SLC29A4: variants seen among roughly 807,000 people sequenced by gnomAD.
SLC29A4 encodes equilibrative nucleoside transporter 4.
In SLC29A4, 36 loss-of-function variants were observed where a neutral mutation model predicts 43.9. The observed-to-expected ratio is 0.82, with a 90% CI of 0.63 to 1.08. The LOEUF (loss-of-function observed/expected upper bound fraction) is 1.08, where lower values mean the gene tolerates loss of function less well. SLC29A4 is among the 50% of genes least tolerant of loss of function. The probability of loss-of-function intolerance (pLI) is 0.00; values close to 1 mark genes in which losing one functional copy is unlikely to be tolerated. For missense variants in SLC29A4, 869 were observed against 755.3 expected, an observed-to-expected ratio of 1.15 and a Z score of -1.77; for synonymous variants, 491 against 338.0, an observed-to-expected ratio of 1.45 and a Z score of -4.97.
At chr7:5,301,367 G>A (rs1266795266) in intron 10 of SLC29A4, among the ~76,000 whole-genome samples, 3 of 152,132 alleles carry the variant, frequency 2.0e-5, no homozygotes, top group Non-Finnish European at 2.9e-5. Context: ...GGGAGAGTCA[G>A]GCTCGGGAGC....
intron 2 of SLC29A4, 93 bp from the exon 3 acceptor site, chr7:5,290,636 ATGG>A: frequency 6.7e-7 from 1 of 1,487,548 alleles, no homozygotes; most frequent in East Asian, 2.3e-5. Context: ...GACAGTGGCT[ATGG>A]TGATGGCGGC....
At position 5,304,500 on chromosome 7, in the gene SLC29A4, ATTTC is replaced by A. The variant is rs200274986; in HGVS notation, c.*1569_*1572del. 0.17 allele frequency: 25,448 copies of A among 151,024 alleles called. 2,860 individuals are homozygous for A. The highest frequency in any genetic ancestry group is 0.54 in the East Asian group (2,770 of 5,102). The allele number at this position is 151,024 out of a possible 1,614,324, so 9.4% of individuals were successfully genotyped here. ...AAAATCCTGCACTGTTCTGTGCCTC[ATTTC>A]TTTCTTTTTTTATTTTTTTTTTGAG... On this transcript the variant is annotated 3_prime_UTR_variant, in exon 11 of 11. Transcript: ENST00000396872.
chr7:5,292,784 C>T (rs1262115584), intron 5 of SLC29A4, among the ~76,000 whole-genome samples: 3 of 147,242 alleles, frequency 2.0e-5, no homozygotes, highest in Non-Finnish European at 4.5e-5. Flanking sequence ...CTGCAACCTC[C>T]GCCTCCCGGG....
chr7:5,284,731 C>T (rs944730345), intron 1 of SLC29A4, among the ~76,000 whole-genome samples: 5 of 152,204 alleles, frequency 3.3e-5, no homozygotes, highest in African/African-American at 1.2e-4. Context: ...GTCCCCACCC[C>T]CTCCACCATG....
intron 9 of SLC29A4, 99 bp downstream of exon 9, chr7:5,299,526 A>T: frequency 7.8e-7 from 1 of 1,289,816 alleles, no homozygotes; most frequent in Non-Finnish European, 1.1e-6. Flanking sequence ...TGAAGGATGC[A>T]TGTGGCTCCC....
At chr7:5,290,949 C>G (rs893095613) in intron 3 of SLC29A4, 86 bp downstream of exon 3, 26 of 1,552,040 alleles carry the variant, frequency 1.7e-5, no homozygotes, top group African/African-American at 1.5e-4. Context: ...GGGGAGGGTC[C>G]TACACGGGGA....
chr7:5,287,798 C>T lies in SLC29A4; in HGVS notation c.-8-11C>T. Reference sequence around the variant, plus strand: ...TTCCCTCACCTGCTCTCTCTGCTTTCTCCAAAGCAGAGGCTGCCATGGGCT... The same window carrying T: ...TTCCCTCACCTGCTCTCTCTGCTTTTTCCAAAGCAGAGGCTGCCATGGGCT... On this transcript the variant is annotated splice_polypyrimidine_tract_variant and intron_variant, in intron 1 of 10. Transcript: ENST00000396872. 2.5e-6 allele frequency: 4 copies of T among 1,609,028 alleles called. No homozygotes were observed. Among genetic ancestry groups the T allele is most frequent in the Non-Finnish European group, 2.5e-6 (3 of 1,179,080 alleles).
At chr7:5,284,036 C>A (rs1454564826) in intron 1 of SLC29A4, among the ~76,000 whole-genome samples, 10 of 81,992 alleles carry the variant, frequency 1.2e-4, no homozygotes, top group African/African-American at 1.6e-4. Flanking sequence ...TGCACGACCC[C>A]CCCCCCCACC....
At chr7:5,283,503 C>G (rs1468479983) in intron 1 of SLC29A4, among the ~76,000 whole-genome samples, 3 of 152,150 alleles carry the variant, frequency 2.0e-5, no homozygotes, top group Non-Finnish European at 4.4e-5. Context: ...GGGGGTCTGT[C>G]CTTTGCCTGG....
intron 9 of SLC29A4, 99 bp from the exon 10 acceptor site, chr7:5,300,323 G>A: frequency 1.9e-6 from 3 of 1,567,898 alleles, no homozygotes; most frequent in Non-Finnish European, 1.7e-6. Flanking sequence ...ACAGGCCCAG[G>A]AGTGTTTAGG....
At position 5,290,752 on chromosome 7, in the gene SLC29A4, G is replaced by C; in HGVS notation, c.190G>C (p.Asp64His). Residue 64 changes from aspartate to histidine, a missense_variant, in exon 3 of 11, where the codon GAT (aspartate) becomes CAT (histidine). Transcript: ENST00000396872. ...TTTAGCATTGGACGAGCCAGTGCCC[G>C]ATGACCGTTATCACGCCATCTACTT... ...TDTTLDEPVP[D>H]DRYHAIYFAM... The C allele has an allele frequency of 6.2e-7, 1 of 1,612,858 alleles. No individual in the cohort carries two copies. The highest frequency in any genetic ancestry group is 8.5e-7 in the Non-Finnish European group (1 of 1,179,104).
At chr7:5,295,721 A>C (rs1231263439) in intron 6 of SLC29A4, among the ~76,000 whole-genome samples, 2 of 117,226 alleles carry the variant, frequency 1.7e-5, no homozygotes, top group Non-Finnish European at 3.9e-5. Context: ...GCGTTCTGCA[A>C]CCCTCTGCCT....
At position 5,286,296 on chromosome 7, in the gene SLC29A4, G is replaced by A. The variant is rs539219692; in HGVS notation, c.-8-1513G>A. On this transcript the variant is annotated intron_variant, in intron 1 of 10. Transcript: ENST00000396872. The stretch of plus-strand genomic sequence containing the variant: ...TCCTAGCACTTTGGGAGGCCGAGGC[G>A]GGCAGATCACAAGGTCAAGAGGTCG... Among the ~76,000 whole-genome samples the A allele has an allele frequency of 5.9e-5, 9 of 152,054 alleles. 1 individual carries two copies. Among genetic ancestry groups the A allele is most frequent in the African/African-American group, 1.4e-4 (6 of 41,464 alleles).
intron 1 of SLC29A4, among the ~76,000 whole-genome samples, 189 bp downstream of exon 1, chr7:5,283,271 G>A (rs1022900343): frequency 7.0e-6 from 1 of 142,618 alleles, no homozygotes; most frequent in African/African-American, 2.6e-5. Flanking sequence ...CCCCGCGCCC[G>A]GCGACAAGCG....
chr7:5,288,307 T>TTTC, intron 2 of SLC29A4, among the ~76,000 whole-genome samples: 1 of 133,668 alleles, frequency 7.5e-6, no homozygotes, highest in Middle Eastern at 3.6e-3. Context: ...TCTTTTTTTT[T>TTTC]TTTTTTTTTT....
In SLC29A4 at chr7:5,287,977, C is replaced by T. The variant is rs774334196; in HGVS notation, c.161C>T (p.Thr54Met). ...AGGGCCAGGGGCGTCCCAGCTTTCA[C>T]GGATACTAGTAAGTAGGCGTGCGGG... ...GLRARGVPAFTDTTLDEPVPD... is the reference protein window; with the variant it reads ...GLRARGVPAFMDTTLDEPVPD... Residue 54 changes from threonine to methionine, a missense_variant, in exon 2 of 11, where the codon ACG becomes ATG. Transcript: ENST00000396872. The T allele has an allele frequency of 2.4e-5, 38 of 1,608,382 alleles. No individual in the cohort carries two copies. In the African/African-American group the frequency reaches 2.8e-4, roughly 12 times the overall value.
intron 10 of SLC29A4, 97 bp downstream of exon 10, chr7:5,300,759 G>C (rs550259211): frequency 1.6e-5 from 23 of 1,470,348 alleles, no homozygotes; most frequent in Non-Finnish European, 2.1e-5. Context: ...AGGTGCATTT[G>C]GGTTCCGGGG....
intron 9 of SLC29A4, 69 bp from the exon 10 acceptor site, chr7:5,300,353 G>A: frequency 6.2e-7 from 1 of 1,603,376 alleles, no homozygotes; most frequent in East Asian, 2.2e-5. Flanking sequence ...GTGGCTAGAG[G>A]CTGTCGGGGG....
rs552430356 is a variant in SLC29A4, at chr7:5,302,905, C to T, written c.1559C>T (p.Ser520Phe). 1.4e-4 allele frequency: 221 copies of T among 1,607,522 alleles called. No homozygotes were observed. The highest frequency in any genetic ancestry group is 1.7e-4 in the Non-Finnish European group (206 of 1,177,898). The change falls in exon 11 of 11, where the codon TCC (serine) becomes TTC (phenylalanine). Residue 520 changes from serine to phenylalanine, a missense_variant. Coordinates refer to ENST00000396872, the MANE Select transcript of SLC29A4 (RefSeq NM_153247.4). ...GCTCACGGCAGCTGCCTGCACGCCT[C>T]CACCGCCAATGGTTCCATCCTCGCA... ...RDAHGSCLHA[S>F]TANGSILAGL
Sources: gnomAD v4.1 joint callset for allele counts (sites outside exome capture counted in the v4.1 genomes callset) on GRCh38, gnomAD v4.1.1 for gene constraint, MANE v1.5 for transcripts, NCBI Gene and HGNC (gene_info 2026-07-23, HGNC 2026-07-21) for gene names.